Variants in RBFOX1 observed in about 807,000 individuals in gnomAD.
The protein encoded by RBFOX1 is RNA binding fox-1 homolog 1, also known as RNA binding protein fox-1 homolog 1.
A neutral mutation model predicts 57.7 loss-of-function variants in RBFOX1; 8 were observed. The observed-to-expected ratio is 0.14, with a 90% CI of 0.08 to 0.25. RBFOX1 has a LOEUF of 0.25. Among genes scored for constraint, RBFOX1 ranks in the 10% least tolerant of loss-of-function variants. The pLI is 1.00. For missense variants in RBFOX1, 611 were observed against 548.5 expected, an observed-to-expected ratio of 1.11 and a Z score of -1.14; for synonymous variants, 326 against 222.4, an observed-to-expected ratio of 1.47 and a Z score of -4.15.
At chr16:5,598,966 G>A in exon 3 of RBFOX1, 1 of 1,528,222 alleles carries the variant, frequency 6.5e-7, no homozygotes, top group Non-Finnish European at 8.8e-7. Context: ...GACTCCGTAA[G>A]TAGAAGCATT....
At chr16:6,008,447 G>A (rs1196125151) in intron 4 of RBFOX1, among the ~76,000 whole-genome samples, 1 of 152,126 alleles carries the variant, frequency 6.6e-6, no homozygotes, top group African/African-American at 2.4e-5. Flanking sequence ...GTGTGAATGG[G>A]AAATGGCAGG....
intron 4 of RBFOX1, among the ~76,000 whole-genome samples, chr16:7,434,498 A>T (rs933124496): frequency 6.6e-6 from 1 of 151,906 alleles, no homozygotes; most frequent in South Asian, 2.1e-4. Context: ...AAATAAAAAT[A>T]AAAATAAAAA....
At chr16:5,589,170 A>C (rs2046927827) in intron 2 of RBFOX1, among the ~76,000 whole-genome samples, 1 of 152,158 alleles carries the variant, frequency 6.6e-6, no homozygotes, top group Non-Finnish European at 1.5e-5. Context: ...CACTGTAAGA[A>C]GCTGTTGGCC....
At chr16:5,708,664 T>G (rs2051340995) in intron 3 of RBFOX1, among the ~76,000 whole-genome samples, 1 of 152,190 alleles carries the variant, frequency 6.6e-6, no homozygotes, top group African/African-American at 2.4e-5. Context: ...GATACCTGTT[T>G]ACTGCACAAC....
chr16:7,355,011 C>T (rs995342666), intron 4 of RBFOX1, among the ~76,000 whole-genome samples: 2 of 152,108 alleles, frequency 1.3e-5, no homozygotes, highest in South Asian at 2.1e-4. Flanking sequence ...TAATAGTTAA[C>T]GTTTGTACTT....
chr16:7,371,622 C>T (rs890755738), intron 4 of RBFOX1, among the ~76,000 whole-genome samples: 5 of 152,156 alleles, frequency 3.3e-5, no homozygotes, highest in Admixed American at 6.5e-5. Context: ...TGGTGGCAGG[C>T]GCCTATAATC....
intron 2 of RBFOX1, among the ~76,000 whole-genome samples, chr16:6,600,027 AG>A (rs2097831408): frequency 1.3e-5 from 2 of 152,320 alleles, no homozygotes; most frequent in East Asian, 1.9e-4. Context: ...ATAACTGCAA[AG>A]GGCATCTGGG....
At chr16:7,507,456 A>G (rs986606240) in intron 4 of RBFOX1, among the ~76,000 whole-genome samples, 6 of 151,948 alleles carry the variant, frequency 3.9e-5, no homozygotes, top group African/African-American at 1.5e-4. Flanking sequence ...TATCAGAACT[A>G]TCTGGGGCAA....
chr16:6,311,603 A>G (rs1350687582), intron 1 of RBFOX1, among the ~76,000 whole-genome samples: 1 of 152,176 alleles, frequency 6.6e-6, no homozygotes, highest in African/African-American at 2.4e-5. Flanking sequence ...GTTTACAGTA[A>G]CATTACGTAT....
chr16:7,237,586 C>G (rs533507437), intron 4 of RBFOX1, among the ~76,000 whole-genome samples: 2 of 152,346 alleles, frequency 1.3e-5, no homozygotes, highest in East Asian at 1.9e-4. Flanking sequence ...TATGTCAACT[C>G]TGCCTCTTTC....
chr16:6,880,368 T>A (rs1204393557), intron 3 of RBFOX1, among the ~76,000 whole-genome samples: 1 of 152,196 alleles, frequency 6.6e-6, no homozygotes, highest in South Asian at 2.1e-4. Context: ...TATTATACTT[T>A]CCACTTCAGT....
chr16:7,524,859 A>C (rs1425421365), intron 5 of RBFOX1, among the ~76,000 whole-genome samples: 1 of 152,236 alleles, frequency 6.6e-6, no homozygotes, highest in East Asian at 1.9e-4. Flanking sequence ...TGATGGAATC[A>C]CTAAGGTATA....
At chr16:6,644,764 G>A (rs61203167) in intron 2 of RBFOX1, among the ~76,000 whole-genome samples, 84,331 of 152,006 alleles carry the variant, frequency 0.55, 24,801 homozygotes, top group South Asian at 0.81. Context: ...ACAGCAGCCT[G>A]TGATTGCCCT....
intron 2 of RBFOX1, among the ~76,000 whole-genome samples, chr16:6,410,648 C>G (rs2093430323): frequency 6.6e-6 from 1 of 152,118 alleles, no homozygotes; most frequent in Non-Finnish European, 1.5e-5. Context: ...GCATTAAGAC[C>G]AAGGCGTGCG....
At chr16:6,560,161 G>A (rs1336013669) in intron 2 of RBFOX1, among the ~76,000 whole-genome samples, 3 of 113,556 alleles carry the variant, frequency 2.6e-5, no homozygotes, top group East Asian at 2.5e-4. Flanking sequence ...TAATCAATTC[G>A]TTTGCCATTT....
chr16:6,875,856 G>C (rs995572577), intron 3 of RBFOX1, among the ~76,000 whole-genome samples: 17 of 152,090 alleles, frequency 1.1e-4, no homozygotes, highest in African/African-American at 4.1e-4. Flanking sequence ...AAATTAGCCA[G>C]TCATGGTGGT....
intron 4 of RBFOX1, among the ~76,000 whole-genome samples, chr16:5,954,346 A>G (rs1160007566): frequency 6.6e-6 from 1 of 152,026 alleles, no homozygotes; most frequent in East Asian, 1.9e-4. Flanking sequence ...GGGGTTGGGA[A>G]CAATAACGGT....
Position 5,569,209 on chromosome 16 carries a change from A to G in RBFOX1, c.259-29693A>G, listed in dbSNP as rs538050164. ...GACACCTCTCTCCTAAAGTCAGGGC[A>G]TTGGTGGAGCCGGGTAAAATGTCTC... On this transcript the variant is annotated intron_variant, in intron 2 of 2. Transcript: ENST00000585867. 1.2e-3 allele frequency among the ~76,000 whole-genome samples: 190 copies of G among 152,148 alleles called. 2 individuals are homozygous for G. Among genetic ancestry groups the G allele is most frequent in the African/African-American group, 4.4e-3 (183 of 41,546 alleles).
intron 3 of RBFOX1, chr16:5,867,230 C>T: frequency 9.4e-7 from 1 of 1,066,312 alleles, no homozygotes; most frequent in Non-Finnish European, 1.2e-6. Flanking sequence ...ATGCCAGTTC[C>T]TTTAAAAAGA....
Sources: gnomAD v4.1 joint callset for allele counts (sites outside exome capture counted in the v4.1 genomes callset) on GRCh38, gnomAD v4.1.1 for gene constraint, MANE v1.5 for transcripts, NCBI Gene and HGNC (gene_info 2026-07-23, HGNC 2026-07-21) for gene names.